The following KHDRBS1 variants were observed in gnomAD, a reference collection of about 807,000 sequenced individuals.
KHDRBS1 encodes KH domain-containing, RNA-binding, signal transduction-associated protein 1.
KHDRBS1 carries 7 observed loss-of-function variants against 48.4 expected under a neutral mutation model. That is an observed-to-expected ratio of 0.14 (90% CI 0.08 to 0.27). The LOEUF (loss-of-function observed/expected upper bound fraction) is 0.27. Among genes scored for constraint, KHDRBS1 ranks in the 10% least tolerant of loss-of-function variants. KHDRBS1 has a pLI of 1.00. For synonymous variants in KHDRBS1, 241 were observed against 235.8 expected (o/e 1.02, Z -0.20); for missense variants, 458 against 601.2 (o/e 0.76, Z 2.49).
chr1:32,014,012 A>G lies in KHDRBS1; in HGVS notation c.17A>G (p.Asp6Gly). 6.6e-7 allele frequency: 1 copy of G among 1,504,248 alleles called. No homozygotes were observed. The highest frequency in any genetic ancestry group is 8.8e-7 in the Non-Finnish European group (1 of 1,136,052). 93.2% of individuals were successfully genotyped at this position (1,504,248 alleles called of 1,614,324 possible). A position where few individuals can be genotyped will look rare whatever the true frequency, so the allele number is the denominator to read the frequency against. Residue 6 changes from aspartate (D) to glycine (G), a missense_variant, in exon 1 of 9, where the codon GAC (aspartate) becomes GGC (glycine). Transcript: ENST00000327300. ...TCCTCCCAGATGCAGCGCCGGGACG[A>G]CCCCGCCGCGCGCATGAGCCGGTCT... The part of the protein sequence containing the change: MQRRD[D>G]PAARMSRSSG...
In KHDRBS1 at chr1:32,030,468, T is replaced by C. The variant is rs750452800; in HGVS notation, c.507+46T>C. 4.8e-5 allele frequency: 75 copies of C among 1,549,258 alleles called. No individual in the cohort carries two copies. In the Middle Eastern group the frequency reaches 5.2e-4, roughly 11 times the overall value. ...GATCTTTGAGTTATCTTTATAGTTA[T>C]GAGAGAGTCATGGGCTATAATAAAG... On this transcript the variant is annotated intron_variant, in intron 2 of 8. Transcript: ENST00000327300.
At chr1:32,033,787 A>G (rs1371912151) in intron 4 of KHDRBS1, among the ~76,000 whole-genome samples, 11 of 152,198 alleles carry the variant, frequency 7.2e-5, no homozygotes, top group Admixed American at 3.9e-4. Context: ...TTATTGGGTT[A>G]AATTCTGACC....
intron 8 of KHDRBS1, among the ~76,000 whole-genome samples, chr1:32,040,140 G>A (rs182886834): frequency 3.3e-5 from 5 of 152,254 alleles, no homozygotes; most frequent in African/African-American, 4.8e-5. Context: ...AGGGCCGGGC[G>A]TGGTGGCTCA....
chr1:32,042,177 A>G (rs1639293175), intron 8 of KHDRBS1, among the ~76,000 whole-genome samples: 4 of 152,220 alleles, frequency 2.6e-5, no homozygotes, highest in Admixed American at 2.6e-4. Context: ...CAGACTCACT[A>G]AGATTAATGA....
downstream of KHDRBS1, among the ~76,000 whole-genome samples, chr1:32,047,160 CTTTATTTA>C (rs1482541003): frequency 6.6e-6 from 1 of 152,056 alleles, no homozygotes; most frequent in East Asian, 1.9e-4. Context: ...TACCTGTGAA[CTTTATTTA>C]TTTATTTTAA....
At chr1:32,038,506 T>C (rs1206005687) in intron 6 of KHDRBS1, 46 bp from the exon 7 acceptor site, 1 of 1,587,264 alleles carries the variant, frequency 6.3e-7, no homozygotes, top group East Asian at 2.2e-5. Flanking sequence ...TCCTACTCTC[T>C]ATGATTTTGA....
intron 4 of KHDRBS1, among the ~76,000 whole-genome samples, 198 bp downstream of exon 4, chr1:32,033,532 C>A (rs1303564076): frequency 6.6e-6 from 1 of 152,218 alleles, no homozygotes; most frequent in Non-Finnish European, 1.5e-5. Context: ...CACTCTATCC[C>A]TCCTTGTCTA....
downstream of KHDRBS1, among the ~76,000 whole-genome samples, chr1:32,047,425 C>T (rs894429521): frequency 6.6e-6 from 1 of 152,210 alleles, no homozygotes; most frequent in Admixed American, 6.5e-5. Context: ...TCCCAAAGTG[C>T]TAGGATCACA....
downstream of KHDRBS1, among the ~76,000 whole-genome samples, chr1:32,048,349 G>A (rs1365185919): frequency 1.3e-5 from 2 of 152,080 alleles, no homozygotes; most frequent in Admixed American, 1.3e-4. Context: ...TCTACAAAAA[G>A]TTAGCTGGGC....
intron 4 of KHDRBS1, among the ~76,000 whole-genome samples, chr1:32,035,473 A>G (rs920680080): frequency 1.3e-5 from 2 of 152,238 alleles, no homozygotes; most frequent in African/African-American, 2.4e-5. Flanking sequence ...ATGGCTCTCA[A>G]TAGGAAGTGT....
intron 1 of KHDRBS1, among the ~76,000 whole-genome samples, chr1:32,023,824 C>T (rs1264427083): frequency 6.6e-6 from 1 of 152,146 alleles, no homozygotes; most frequent in Non-Finnish European, 1.5e-5. Flanking sequence ...CTTTTATTAC[C>T]TTTAGGCCAC....
intron 2 of KHDRBS1, among the ~76,000 whole-genome samples, chr1:32,030,633 C>CT (rs1478422822): frequency 3.3e-5 from 5 of 152,006 alleles, no homozygotes; most frequent in Non-Finnish European, 5.9e-5. Flanking sequence ...ATATAATCAT[C>CT]TTTTTATTAT....
chr1:32,030,460 TA>T, intron 2 of KHDRBS1, 38 bp downstream of exon 2: 1 of 1,571,846 alleles, frequency 6.4e-7, no homozygotes, highest in Non-Finnish European at 8.6e-7. Flanking sequence ...GAGTTATCTT[TA>T]TAGTTATGAG....
intron 4 of KHDRBS1, among the ~76,000 whole-genome samples, chr1:32,034,831 A>T (rs1290540954): frequency 6.6e-6 from 1 of 151,686 alleles, no homozygotes; most frequent in Non-Finnish European, 1.5e-5. Flanking sequence ...CAAAAAAAAA[A>T]TTAGCTGGGC....
intron 5 of KHDRBS1, among the ~76,000 whole-genome samples, chr1:32,037,548 A>T (rs997682605): frequency 6.6e-6 from 1 of 151,988 alleles, no homozygotes; most frequent in Non-Finnish European, 1.5e-5. Flanking sequence ...CAGTCTTAGC[A>T]TTTGTTAATG....
intron 1 of KHDRBS1, among the ~76,000 whole-genome samples, chr1:32,023,026 C>T (rs899155894): frequency 1.3e-5 from 2 of 151,790 alleles, no homozygotes; most frequent in African/African-American, 2.4e-5. Context: ...ATCTCTTTTT[C>T]GCCCTCTCTC....
chr1:32,031,127 T>TA (rs1214510625), intron 2 of KHDRBS1, among the ~76,000 whole-genome samples: 1 of 152,128 alleles, frequency 6.6e-6, no homozygotes, highest in Non-Finnish European at 1.5e-5. Flanking sequence ...TGTGCACCTG[T>TA]ACCCAGCTAC....
downstream of KHDRBS1, among the ~76,000 whole-genome samples, chr1:32,045,128 C>G (rs191051815): frequency 9.2e-5 from 14 of 152,314 alleles, no homozygotes; most frequent in Middle Eastern, 0.01. Flanking sequence ...AAGCTTTCTG[C>G]TCAGCTATTT....
At chr1:32,034,821 C>T (rs547859242) in intron 4 of KHDRBS1, among the ~76,000 whole-genome samples, 6 of 142,036 alleles carry the variant, frequency 4.2e-5, no homozygotes, top group African/African-American at 1.6e-4. Context: ...ACTAAAAATT[C>T]AAAAAAAAAA....
Sources: gnomAD v4.1 joint callset for allele counts (sites outside exome capture counted in the v4.1 genomes callset) on GRCh38, gnomAD v4.1.1 for gene constraint, MANE v1.5 for transcripts, NCBI Gene and HGNC (gene_info 2026-07-23, HGNC 2026-07-21) for gene names.